The following FBXW7 variants were observed in gnomAD, a reference collection of about 807,000 sequenced individuals.
FBXW7 encodes F-box/WD repeat-containing protein 7.
Under a neutral mutation model 86.3 loss-of-function variants are expected in FBXW7, and 11 were observed. The observed-to-expected ratio is 0.13, with a 90% CI of 0.08 to 0.21. FBXW7 has a LOEUF of 0.21. Among genes scored for constraint, FBXW7 ranks in the 10% least tolerant of loss-of-function variants. The probability of loss-of-function intolerance (pLI) is 1.00; values close to 1 mark genes in which losing one functional copy is unlikely to be tolerated. For synonymous variants in FBXW7, 313 were observed against 297.9 expected (o/e 1.05, Z -0.52); for missense variants, 488 against 847.4 (o/e 0.58, Z 5.27).
intron 12 of FBXW7, chr4:152,325,179 C>G (rs1018530377): frequency 6.6e-6 from 1 of 152,124 alleles, no homozygotes; most frequent in Non-Finnish European, 1.5e-5. Flanking sequence ...CCAAATTCAT[C>G]ACCTTTTCTA....
chr4:152,408,747 T>C (rs75060615), intron 4 of FBXW7, among the ~76,000 whole-genome samples: 2,082 of 152,310 alleles, frequency 0.014, 26 homozygotes, highest in Middle Eastern at 0.037. Context: ...CAGCATAGCA[T>C]GTGGAAAGAG....
At chr4:152,332,486 T>C (rs1729654615) in intron 8 of FBXW7, 110 bp downstream of exon 8, 18 of 1,128,728 alleles carry the variant, frequency 1.6e-5, no homozygotes, top group Non-Finnish European at 2.1e-5. Flanking sequence ...GAATAATCTG[T>C]GGATTTTATC....
intron 2 of FBXW7, among the ~76,000 whole-genome samples, chr4:152,447,847 G>A (rs1439389249): frequency 1.3e-5 from 2 of 152,124 alleles, no homozygotes; most frequent in African/African-American, 2.4e-5. Flanking sequence ...TGAAATCTAC[G>A]AATGTGAGGA....
Position 152,330,826 on chromosome 4 carries a change from TTTA to T in FBXW7, c.1025_1027del (p.Ile342del). 1 of 1,612,484 alleles carries T rather than the reference TTTA, an allele frequency of 6.2e-7. No individual in the cohort carries two copies. Among genetic ancestry groups the T allele is most frequent in the South Asian group, 1.1e-5 (1 of 91,000 alleles). On this transcript the variant is annotated inframe_deletion, in exon 9 of 14. Transcript: ENST00000281708. ...CCATGGACTGTGTATGAAACCTGGT[TTTA>T]TTACTTTTCTTCTCTTGATGTGCAA...
rs200183394 is a variant in FBXW7 at position 152,535,998 on chromosome 4, A to AGCGGCGGCG, written c.-1093_-1085dup. The stretch of plus-strand genomic sequence containing the variant: ...CGGATGCTCCTTCGCTCTCAGTCTC[A>AGCGGCGGCG]GCGGCGGCGGCGGCGGCAGCGGCAG... On this transcript the variant is annotated 5_prime_UTR_variant, in exon 1 of 14. Transcript: ENST00000281708. The AGCGGCGGCG allele has an allele frequency of 2.9e-5, 7 of 239,394 alleles. No individual in the cohort carries two copies. The highest frequency in any genetic ancestry group is 9.2e-5 in the African/African-American group (4 of 43,642). 14.8% of individuals were successfully genotyped at this position (239,394 alleles called of 1,614,324 possible).
In FBXW7 at chr4:152,392,983, T is replaced by C. The variant is rs1055725248; in HGVS notation, c.501+18320A>G. On this transcript the variant is annotated intron_variant, in intron 4 of 13. Coordinates refer to ENST00000281708, the MANE Select transcript of FBXW7 (RefSeq NM_001349798.2). ...AGAAAGGAAAAATCAAACTCACTTTTGGATTTCCTAAAATCATGCTTTTGT... is the reference window on the plus strand; with the variant it reads ...AGAAAGGAAAAATCAAACTCACTTTCGGATTTCCTAAAATCATGCTTTTGT... 2.0e-5 allele frequency among the ~76,000 whole-genome samples: 3 copies of C among 152,206 alleles called. No homozygotes were observed. In the East Asian group the frequency reaches 5.8e-4, roughly 29 times the overall value.
chr4:152,483,211 T>C (rs986579748), intron 2 of FBXW7, among the ~76,000 whole-genome samples: 1 of 152,148 alleles, frequency 6.6e-6, no homozygotes, highest in African/African-American at 2.4e-5. Flanking sequence ...TTTGTACTTA[T>C]TCATAACCCA....
At chr4:152,425,896 C>G (rs1739339589) in intron 2 of FBXW7, among the ~76,000 whole-genome samples, 1 of 152,140 alleles carries the variant, frequency 6.6e-6, no homozygotes, top group African/African-American at 2.4e-5. Context: ...TCAGGGTGAA[C>G]AGAAAATAAA....
chr4:152,430,065 T>C (rs1435381760), intron 2 of FBXW7, among the ~76,000 whole-genome samples: 1 of 152,298 alleles, frequency 6.6e-6, no homozygotes, highest in South Asian at 2.1e-4. Flanking sequence ...AAAACCAGAA[T>C]GAAGGAAACC....
At chr4:152,528,204 T>C (rs898474749) in intron 2 of FBXW7, among the ~76,000 whole-genome samples, 19 of 151,956 alleles carry the variant, frequency 1.3e-4, no homozygotes, top group African/African-American at 3.6e-4. Flanking sequence ...GAAAAAAACA[T>C]GCTATCTCTT....
Position 152,337,951 on chromosome 4 carries a change from T to C in FBXW7, c.727-15A>G, listed in dbSNP as rs754502628. ...CCACTCCAGCTCTATCAAAGAGAAT[T>C]AGAAATTTTTATTGTTTTAACAGAT... On this transcript the variant is annotated splice_polypyrimidine_tract_variant and intron_variant, in intron 6 of 13. Transcript: ENST00000281708. 1 of 1,587,766 alleles carries C rather than the reference T, an allele frequency of 6.3e-7. No individual in the cohort carries two copies. The highest frequency in any genetic ancestry group is 8.5e-7 in the Non-Finnish European group (1 of 1,172,290).
At chr4:152,360,490 G>C (rs1359957029) in intron 4 of FBXW7, among the ~76,000 whole-genome samples, 5 of 152,130 alleles carry the variant, frequency 3.3e-5, no homozygotes, top group African/African-American at 1.2e-4. Flanking sequence ...GCCAACATGT[G>C]ACTGAAAGAA....
intron 2 of FBXW7, among the ~76,000 whole-genome samples, chr4:152,442,563 C>T (rs570847407): frequency 6.6e-6 from 1 of 152,292 alleles, no homozygotes; most frequent in South Asian, 2.1e-4. Context: ...TTTAGTATTT[C>T]CAGTGGTTTA....
intron 2 of FBXW7, among the ~76,000 whole-genome samples, chr4:152,485,862 T>A (rs1207315422): frequency 2.0e-5 from 3 of 152,190 alleles, no homozygotes; most frequent in Non-Finnish European, 4.4e-5. Context: ...TTTTAACAAT[T>A]TGAGTCACCA....
intron 2 of FBXW7, among the ~76,000 whole-genome samples, chr4:152,413,456 T>G (rs1228923145): frequency 1.3e-5 from 2 of 152,084 alleles, no homozygotes; most frequent in African/African-American, 4.8e-5. Context: ...ATTGAAAATG[T>G]TCCTCACTTT....
At chr4:152,448,765 G>T (rs957754796) in intron 2 of FBXW7, among the ~76,000 whole-genome samples, 2 of 152,084 alleles carry the variant, frequency 1.3e-5, no homozygotes, top group African/African-American at 4.8e-5. Context: ...CAAACTCATC[G>T]CCAAGAAAAA....
Position 152,330,876 on chromosome 4 carries a change from G to A in FBXW7, c.986-8C>T. ...GCAATGGTTCATCAATCCCTAAAGT[G>A]TTACAGTTCAAGAGTAAATTGCCTT... is the stretch of plus-strand genomic sequence containing the variant. On this transcript the variant is annotated splice_region_variant and splice_polypyrimidine_tract_variant and intron_variant, in intron 8 of 13. Transcript: ENST00000281708. 6.2e-7 allele frequency: 1 copy of A among 1,609,268 alleles called. No individual in the cohort carries two copies. The highest frequency in any genetic ancestry group is 8.5e-7 in the Non-Finnish European group (1 of 1,177,460).
chr4:152,500,787 G>T lies in FBXW7; in HGVS notation c.-120+34154C>A, dbSNP rs185839231. Among the ~76,000 whole-genome samples the T allele has an allele frequency of 5.3e-5, 8 of 152,264 alleles. No homozygotes were observed. In the East Asian group the frequency reaches 1.5e-3, roughly 29 times the overall value. ...CCCATATACAGAAATGTATTCAAAA[G>T]ATTATTAGCAGCCAAAAATATCACA... On this transcript the variant is annotated intron_variant, in intron 2 of 13. Transcript: ENST00000281708.
At chr4:152,451,369 C>T (rs767179865) in intron 2 of FBXW7, among the ~76,000 whole-genome samples, 2 of 152,194 alleles carry the variant, frequency 1.3e-5, no homozygotes, top group Non-Finnish European at 2.9e-5. Flanking sequence ...AAGGTGATCA[C>T]TTCTCTTAAA....
Sources: gnomAD v4.1 joint callset for allele counts (sites outside exome capture counted in the v4.1 genomes callset) on GRCh38, gnomAD v4.1.1 for gene constraint, MANE v1.5 for transcripts, NCBI Gene and HGNC (gene_info 2026-07-23, HGNC 2026-07-21) for gene names.